The following GSE1 variants were observed in gnomAD, a reference collection of about 807,000 sequenced individuals.
GSE1 encodes the protein genetic suppressor element 1.
In GSE1, 32 loss-of-function variants were observed where a neutral mutation model predicts 112.6. The observed-to-expected ratio is 0.28, with a 90% CI of 0.21 to 0.38. GSE1 has a LOEUF of 0.38. GSE1 is among the 10% of genes least tolerant of loss of function. The probability of loss-of-function intolerance (pLI) is 1.00; values close to 1 mark genes in which losing one functional copy is unlikely to be tolerated. For missense variants in GSE1, 2,348 were observed against 1,699.2 expected, an observed-to-expected ratio of 1.38 and a Z score of -6.71; for synonymous variants, 1,115 against 735.6, an observed-to-expected ratio of 1.52 and a Z score of -8.35.
At chr16:85,329,070 C>T (rs1025759804) in intron 1 of GSE1, among the ~76,000 whole-genome samples, 22 of 152,190 alleles carry the variant, frequency 1.4e-4, no homozygotes, top group African/African-American at 5.3e-4. Flanking sequence ...CCCCGCGGCC[C>T]CAGTGTTCTA....
chr16:85,463,684 C>G (rs2050042952), intron 2 of GSE1, among the ~76,000 whole-genome samples: 1 of 152,232 alleles, frequency 6.6e-6, no homozygotes, highest in Non-Finnish European at 1.5e-5. Flanking sequence ...CATCAGCTCT[C>G]TGGGGAGAAC....
intron 2 of GSE1, among the ~76,000 whole-genome samples, chr16:85,480,172 G>A (rs1428933022): frequency 6.6e-6 from 1 of 152,172 alleles, no homozygotes; most frequent in Non-Finnish European, 1.5e-5. Flanking sequence ...CAGGGTCATC[G>A]GCCTCAAGGG....
chr16:85,336,592 A>G (rs970638915), intron 1 of GSE1, among the ~76,000 whole-genome samples: 3 of 150,234 alleles, frequency 2.0e-5, no homozygotes, highest in Admixed American at 6.6e-5. Context: ...GGACACACAC[A>G]TGCCCTCACA....
intron 2 of GSE1, among the ~76,000 whole-genome samples, chr16:85,529,530 G>C (rs750141275): frequency 1.2e-4 from 19 of 152,216 alleles, no homozygotes; most frequent in Non-Finnish European, 2.1e-4. Flanking sequence ...CTTGGCACCT[G>C]TTGGGGGCAG....
intron 1 of GSE1, among the ~76,000 whole-genome samples, chr16:85,597,119 C>T (rs1404786104): frequency 1.3e-5 from 2 of 151,756 alleles, no homozygotes; most frequent in African/African-American, 4.8e-5. Flanking sequence ...GCTGGGATTC[C>T]AGGCGCCCGC....
chr16:85,543,936 C>G (rs2044611785), intron 2 of GSE1, among the ~76,000 whole-genome samples: 1 of 152,210 alleles, frequency 6.6e-6, no homozygotes, highest in Admixed American at 6.5e-5. Context: ...CACCCAAGCT[C>G]AAGCAATCCT....
At chr16:85,648,963 A>T (rs935630659) in intron 3 of GSE1, among the ~76,000 whole-genome samples, 1 of 151,872 alleles carries the variant, frequency 6.6e-6, no homozygotes. Flanking sequence ...CCCACGCATC[A>T]GTCTGTCAGA....
At chr16:85,400,677 C>G (rs538950941) in intron 2 of GSE1, among the ~76,000 whole-genome samples, 17 of 149,754 alleles carry the variant, frequency 1.1e-4, no homozygotes, top group African/African-American at 4.2e-4. Flanking sequence ...GCGTGTGTCT[C>G]TGTGTGTTTT....
At chr16:85,207,618 C>A in intron 1 of GSE1, among the ~76,000 whole-genome samples, 1 of 152,306 alleles carries the variant, frequency 6.6e-6, no homozygotes, top group East Asian at 1.9e-4. Flanking sequence ...GTGAGGAGCC[C>A]GGGCTGCAGA....
intron 1 of GSE1, among the ~76,000 whole-genome samples, chr16:85,191,495 G>C (rs1382977266): frequency 6.6e-6 from 1 of 152,124 alleles, no homozygotes; most frequent in Non-Finnish European, 1.5e-5. Flanking sequence ...AGGAATTTTG[G>C]AAAGTTCAGA....
chr16:85,660,503 G>A (rs1482783369), intron 8 of GSE1, among the ~76,000 whole-genome samples: 1 of 152,130 alleles, frequency 6.6e-6, no homozygotes, highest in East Asian at 2.0e-4. Flanking sequence ...GCTGGGCATG[G>A]TGGCACACGC....
At chr16:85,664,900 G>GT (rs2052713271) in intron 11 of GSE1, 115 bp from the exon 12 acceptor site, 10 of 705,918 alleles carry the variant, frequency 1.4e-5, no homozygotes, top group Admixed American at 6.8e-5. Context: ...CCTGCTTTTG[G>GT]TTTTTCGGGC....
chr16:85,509,972 G>T (rs528236301), intron 2 of GSE1, among the ~76,000 whole-genome samples: 2 of 152,336 alleles, frequency 1.3e-5, no homozygotes, highest in Admixed American at 1.3e-4. Context: ...AATTTTTGCC[G>T]GATTTGGTGA....
chr16:85,394,628 G>T (rs575476378), intron 2 of GSE1, among the ~76,000 whole-genome samples: 270 of 152,312 alleles, frequency 1.8e-3, no homozygotes, highest in African/African-American at 6.1e-3. Context: ...CCTTGAGATT[G>T]CAGGCCCTGC....
At chr16:85,384,519 C>T (rs1306375608) in intron 2 of GSE1, among the ~76,000 whole-genome samples, 1 of 152,220 alleles carries the variant, frequency 6.6e-6, no homozygotes, top group East Asian at 1.9e-4. Flanking sequence ...TGTGCAGCAC[C>T]AGGCCTGTAC....
intron 1 of GSE1, among the ~76,000 whole-genome samples, chr16:85,324,993 G>A (rs566863809): frequency 1.3e-5 from 2 of 151,902 alleles, no homozygotes; most frequent in East Asian, 1.9e-4. Flanking sequence ...TTTGAGACAA[G>A]GTCTCACTCT....
intron 2 of GSE1, among the ~76,000 whole-genome samples, chr16:85,549,018 AC>A (rs1280460818): frequency 6.6e-6 from 1 of 151,838 alleles, no homozygotes; most frequent in Admixed American, 6.6e-5. Context: ...TGATCTCTTG[AC>A]CTCATGATCC....
At chr16:85,637,203 G>A (rs920845024) in intron 2 of GSE1, among the ~76,000 whole-genome samples, 7 of 152,170 alleles carry the variant, frequency 4.6e-5, no homozygotes, top group Admixed American at 1.3e-4. Context: ...CCCGGCGGCC[G>A]CTGTCTGCTT....
intron 2 of GSE1, among the ~76,000 whole-genome samples, chr16:85,530,040 G>T (rs1178189834): frequency 6.6e-6 from 1 of 152,228 alleles, no homozygotes; most frequent in African/African-American, 2.4e-5. Context: ...CTGCCCGCAT[G>T]TACCCAGCGT....
Sources: allele counts gnomAD v4.1 joint callset (sites outside exome capture counted in the v4.1 genomes callset), GRCh38; gene constraint gnomAD v4.1.1; transcripts MANE v1.5; gene names NCBI Gene and HGNC (gene_info 2026-07-23, HGNC 2026-07-21).